THSD4: variants seen among roughly 807,000 people sequenced by gnomAD.
THSD4 encodes the protein thrombospondin type 1 domain containing 4.
THSD4 carries 69 observed loss-of-function variants against 119.0 expected under a neutral mutation model. The observed-to-expected ratio is 0.58, with a 90% CI of 0.48 to 0.71. The LOEUF is 0.71. Ranked by LOEUF, THSD4 falls within the 30% of genes least tolerant of loss-of-function variation. The probability of loss-of-function intolerance (pLI) is 0.00; values close to 1 mark genes in which losing one functional copy is unlikely to be tolerated. For synonymous variants in THSD4, 524 were observed against 540.4 expected, an observed-to-expected ratio of 0.97 and a Z score of 0.42; for missense variants, 1,393 against 1,391.1, an observed-to-expected ratio of 1.00 and a Z score of -0.02.
At chr15:71,597,461 T>C (rs951035297) in intron 7 of THSD4, among the ~76,000 whole-genome samples, 1 of 152,260 alleles carries the variant, frequency 6.6e-6, no homozygotes, top group African/African-American at 2.4e-5. Flanking sequence ...TAGACTTCTT[T>C]ACAGAGTGTT....
chr15:71,261,595 G>A (rs2140294659), intron 6 of THSD4, among the ~76,000 whole-genome samples: 1 of 152,158 alleles, frequency 6.6e-6, no homozygotes, highest in African/African-American at 2.4e-5. Context: ...TTGGGGGATG[G>A]GGTACTTGGG....
intron 6 of THSD4, among the ~76,000 whole-genome samples, chr15:71,267,460 A>G (rs1450667179): frequency 1.3e-5 from 2 of 152,238 alleles, no homozygotes; most frequent in African/African-American, 2.4e-5. Flanking sequence ...CTCCTGAAGG[A>G]AGCACTAAAT....
rs190419699 is a variant in THSD4 at position 71,598,814 on chromosome 15, C to G, written c.1153-61716C>G. ...TGTATTTTTTGTAGAGACAGGGTTT[C>G]GCCCTGTTGCCCAGGCTGGTCTCGA... On this transcript the variant is annotated intron_variant, in intron 7 of 17. Coordinates refer to ENST00000261862, the MANE Select transcript of THSD4 (RefSeq NM_024817.3). Among the ~76,000 whole-genome samples the G allele has an allele frequency of 2.1e-3, 314 of 152,120 alleles. 17 individuals are homozygous for G. The South Asian group carries it at 0.057, about 28-fold the overall frequency.
At chr15:71,321,868 T>C (rs764976531) in intron 6 of THSD4, among the ~76,000 whole-genome samples, 12 of 152,002 alleles carry the variant, frequency 7.9e-5, no homozygotes, top group Non-Finnish European at 1.3e-4. Flanking sequence ...AATATTATAG[T>C]CAATTCAATA....
intron 14 of THSD4, among the ~76,000 whole-genome samples, chr15:71,753,666 A>G (rs1219053447): frequency 6.6e-6 from 1 of 152,212 alleles, no homozygotes; most frequent in Non-Finnish European, 1.5e-5. Flanking sequence ...TCCTTTAAGG[A>G]CAGTGGGTGG....
chr15:71,741,435 A>G (rs1249984323), intron 11 of THSD4, among the ~76,000 whole-genome samples: 15 of 151,898 alleles, frequency 9.9e-5, no homozygotes, highest in Non-Finnish European at 8.8e-5. Context: ...GGAGGTTGCA[A>G]TGAGCCAAGA....
At chr15:71,207,214 T>C (rs1372206707) in intron 3 of THSD4, among the ~76,000 whole-genome samples, 1 of 152,212 alleles carries the variant, frequency 6.6e-6, no homozygotes, top group Non-Finnish European at 1.5e-5. Context: ...CTCTGATAAT[T>C]ACCTCTCCTG....
chr15:71,633,696 A>G (rs980732133), intron 7 of THSD4, among the ~76,000 whole-genome samples: 4 of 152,216 alleles, frequency 2.6e-5, no homozygotes, highest in African/African-American at 9.7e-5. Flanking sequence ...CTGGGTTATG[A>G]TTATCAAAAA....
intron 7 of THSD4, among the ~76,000 whole-genome samples, chr15:71,642,602 A>G (rs943014922): frequency 3.9e-5 from 6 of 152,242 alleles, no homozygotes; most frequent in African/African-American, 7.2e-5. Context: ...CATATACACC[A>G]TGGAATACTA....
intron 7 of THSD4, among the ~76,000 whole-genome samples, chr15:71,504,784 T>G (rs1402897884): frequency 6.6e-6 from 1 of 152,130 alleles, no homozygotes; most frequent in African/African-American, 2.4e-5. Context: ...AATTCTAGAC[T>G]TTCTTTGGTT....
chr15:71,139,922 T>TA (rs2040586952), intron 1 of THSD4, among the ~76,000 whole-genome samples: 1 of 152,254 alleles, frequency 6.6e-6, no homozygotes, highest in Admixed American at 6.5e-5. Context: ...TGTTCTGTTT[T>TA]ATTCTCTAAG....
At chr15:71,547,676 T>C (rs2140851334) in intron 7 of THSD4, 3 of 649,406 alleles carry the variant, frequency 4.6e-6, no homozygotes, top group East Asian at 3.4e-5. Context: ...TTATACTTTC[T>C]AAAATGTCAT....
intron 7 of THSD4, among the ~76,000 whole-genome samples, chr15:71,646,429 T>G (rs1363981432): frequency 2.0e-5 from 3 of 152,228 alleles, no homozygotes; most frequent in African/African-American, 7.2e-5. Context: ...ACTTCCATAT[T>G]TGCTGCCGTT....
intron 5 of THSD4, among the ~76,000 whole-genome samples, chr15:71,255,236 C>T (rs933996740): frequency 4.6e-5 from 7 of 152,102 alleles, no homozygotes; most frequent in East Asian, 1.9e-4. Context: ...CACACACACA[C>T]ACAAACACAC....
chr15:71,141,391 C>T (rs538558728), intron 1 of THSD4, 58 bp from the exon 2 acceptor site: 59 of 929,674 alleles, frequency 6.3e-5, no homozygotes, highest in Middle Eastern at 4.4e-4. Context: ...GACCGAGTTA[C>T]GCTTCTAGAA....
At chr15:71,485,625 G>A (rs562978058) in intron 7 of THSD4, among the ~76,000 whole-genome samples, 102 of 152,152 alleles carry the variant, frequency 6.7e-4, no homozygotes, top group African/African-American at 2.3e-3. Context: ...AGTGCCTGGA[G>A]ATTCTAGACT....
chr15:71,776,316 A>C (rs2053911748), intron 17 of THSD4, among the ~76,000 whole-genome samples: 1 of 152,246 alleles, frequency 6.6e-6, no homozygotes, highest in Admixed American at 6.5e-5. Flanking sequence ...TATTTGCAGC[A>C]CATATAACCT....
At chr15:71,756,343 TAGG>T (rs2053538243) in intron 14 of THSD4, among the ~76,000 whole-genome samples, 1 of 151,936 alleles carries the variant, frequency 6.6e-6, no homozygotes, top group African/African-American at 2.4e-5. Context: ...AGCAAGAGGG[TAGG>T]AGAATAGTCA....
At position 71,215,132 on chromosome 15, in the gene THSD4, C is replaced by G. The variant is rs1206773545; in HGVS notation, c.197C>G (p.Ser66Trp). Residue 66 changes from serine to tryptophan, a missense_variant, in exon 4 of 18, where the codon TCG (serine) becomes TGG (tryptophan). Coordinates refer to ENST00000261862, the MANE Select transcript of THSD4 (RefSeq NM_024817.3). ...WGAWGPWSAC[S>W]RSCSGGVMEQ... ...GCCTGGGGCCCCTGGTCGGCCTGCTCGCGTAGCTGCAGCGGCGGCGTGATG... is the reference window on the plus strand; with the variant it reads ...GCCTGGGGCCCCTGGTCGGCCTGCTGGCGTAGCTGCAGCGGCGGCGTGATG... The G allele has an allele frequency of 7.3e-7, 1 of 1,369,442 alleles. No homozygotes were observed. The highest frequency in any genetic ancestry group is 3.2e-5 in the East Asian group (1 of 31,332). The allele number at this position is 1,369,442 out of a possible 1,614,324, so 84.8% of individuals were successfully genotyped here.
Sources: gnomAD v4.1 joint callset for allele counts (sites outside exome capture counted in the v4.1 genomes callset) on GRCh38, gnomAD v4.1.1 for gene constraint, MANE v1.5 for transcripts, NCBI Gene and HGNC (gene_info 2026-07-23, HGNC 2026-07-21) for gene names.